MFSD6: variants seen among roughly 807,000 people sequenced by gnomAD.
MFSD6 encodes the protein major facilitator superfamily domain containing 6.
A neutral mutation model predicts 56.3 loss-of-function variants in MFSD6; 26 were observed. That is an observed-to-expected ratio of 0.46 (90% confidence interval 0.34 to 0.64). The LOEUF (loss-of-function observed/expected upper bound fraction) is 0.64, where lower values mean the gene tolerates loss of function less well. Ranked by LOEUF, MFSD6 falls within the 30% of genes least tolerant of loss-of-function variation. The pLI, the probability that MFSD6 is intolerant of heterozygous loss-of-function variation, is 0.01. For missense variants in MFSD6, 750 were observed against 986.2 expected, an observed-to-expected ratio of 0.76 and a Z score of 3.21; for synonymous variants, 331 against 366.9, an observed-to-expected ratio of 0.90 and a Z score of 1.12.
At chr2:190,486,314 G>T (rs1013636558) in intron 4 of MFSD6, among the ~76,000 whole-genome samples, 1 of 152,220 alleles carries the variant, frequency 6.6e-6, no homozygotes, top group African/African-American at 2.4e-5. Flanking sequence ...CCCTCACTCT[G>T]AATAGTGTCT....
intron 3 of MFSD6, among the ~76,000 whole-genome samples, chr2:190,450,391 A>T (rs1686733115): frequency 6.6e-6 from 1 of 152,052 alleles, no homozygotes; most frequent in Non-Finnish European, 1.5e-5. Flanking sequence ...TTTCTGAAAT[A>T]CTGAGCAATT....
intron 2 of MFSD6, among the ~76,000 whole-genome samples, chr2:190,419,720 A>T (rs1378590114): frequency 6.6e-6 from 1 of 152,236 alleles, no homozygotes; most frequent in African/African-American, 2.4e-5. Flanking sequence ...TTTTAATTCA[A>T]ATACATAATG....
At chr2:190,414,639 A>G (rs920376711) in intron 1 of MFSD6, among the ~76,000 whole-genome samples, 6 of 152,170 alleles carry the variant, frequency 3.9e-5, no homozygotes, top group African/African-American at 7.2e-5. Flanking sequence ...TCAATTTAAT[A>G]ACTCTATAAT....
chr2:190,435,254 A>G (rs1686136175), intron 2 of MFSD6: 1 of 152,236 alleles, frequency 6.6e-6, no homozygotes, highest in African/African-American at 2.4e-5. Context: ...GGACAAGATA[A>G]TAGGGCTATT....
At chr2:190,408,996 C>T (rs943955157) in intron 1 of MFSD6, among the ~76,000 whole-genome samples, 11 of 152,192 alleles carry the variant, frequency 7.2e-5, no homozygotes, top group Admixed American at 3.3e-4. Flanking sequence ...CACACAGCCC[C>T]AGTGACAAGG....
At position 190,410,801 on chromosome 2, in the gene MFSD6, T is replaced by C. The variant is rs147365564; in HGVS notation, c.-176+2298T>C. Among the ~76,000 whole-genome samples the C allele has an allele frequency of 0.022, 3,369 of 152,292 alleles. 59 individuals are homozygous for C. The highest frequency in any genetic ancestry group is 0.038 in the Non-Finnish European group (2,573 of 68,028). On this transcript the variant is annotated intron_variant, in intron 1 of 7. Transcript: ENST00000392328. The surrounding 1 kb of genome is among the most constrained non-coding windows in gnomAD (Gnocchi z 4.4). ...GGCTGGGCAAGGTGGCTCATGCCTG[T>C]AATCCCAGCACTTTGGGAGGCCGAG... is the stretch of plus-strand genomic sequence containing the variant.
chr2:190,436,807 A>G lies in MFSD6; in HGVS notation c.778A>G (p.Thr260Ala). 6.2e-7 allele frequency: 1 copy of G among 1,614,208 alleles called. No individual in the cohort carries two copies. The highest frequency in any genetic ancestry group is 8.5e-7 in the Non-Finnish European group (1 of 1,180,024). Residue 260 changes from threonine to alanine, a missense_variant, in exon 3 of 8, where the codon ACC becomes GCC. Coordinates refer to ENST00000392328, the MANE Select transcript of MFSD6 (RefSeq NM_017694.4). This position sits in a 1 kb window ranked among gnomAD's most constrained non-coding sequence, Gnocchi z 5.3. ...VSPGSVTKET[T>A]TVIVTTTKSL... ...CCCAGGAAGCGTAACCAAGGAGACA[A>G]CCACTGTTATTGTTACCACCACCAA... is the stretch of plus-strand genomic sequence containing the variant.
Position 190,489,830 on chromosome 2 carries a change from C to T in MFSD6, c.1855C>T (p.Leu619=), listed in dbSNP as rs776993095. Residue 619 remains leucine (L), a synonymous_variant, in exon 6 of 8, where the codon CTG becomes TTG. Coordinates refer to ENST00000392328, the MANE Select transcript of MFSD6 (RefSeq NM_017694.4). This position sits in a 1 kb window ranked among gnomAD's most constrained non-coding sequence, Gnocchi z 6.6. ...CTTGGTGATCCTACTGCTCTTTGCC[C>T]TGATCCAGTGGCTGGCAGTGCCAGA... The part of the protein sequence containing the change: ...ACLVILLLFA[L]IQWLAVPDEE... 1.2e-6 allele frequency: 2 copies of T among 1,614,186 alleles called. No homozygotes were observed. The highest frequency in any genetic ancestry group is 1.7e-6 in the Non-Finnish European group (2 of 1,180,024).
At chr2:190,475,550 T>G (rs961909793) in intron 4 of MFSD6, among the ~76,000 whole-genome samples, 23 of 152,150 alleles carry the variant, frequency 1.5e-4, no homozygotes, top group Non-Finnish European at 2.6e-4. Context: ...CACTGCTCAA[T>G]GAAATAAAAG....
At position 190,497,331 on chromosome 2, in the gene MFSD6, C is replaced by A; in HGVS notation, c.1892-108C>A. The A allele has an allele frequency of 1.6e-6, 2 of 1,213,406 alleles. No individual in the cohort carries two copies. The highest frequency in any genetic ancestry group is 2.3e-6 in the Non-Finnish European group (2 of 876,674). The allele number at this position is 1,213,406 out of a possible 1,614,324, so 75.2% of individuals were successfully genotyped here. A position where few individuals can be genotyped will look rare whatever the true frequency, so the allele number is the denominator to read the frequency against. ...CCAGCAATTTATTAATATTATCAAG[C>A]ACTCTGGAATGGGTATATGGGATTC... On this transcript the variant is annotated intron_variant, in intron 6 of 7. Coordinates refer to ENST00000392328, the MANE Select transcript of MFSD6 (RefSeq NM_017694.4). This position sits in a 1 kb window ranked among gnomAD's most constrained non-coding sequence, Gnocchi z 5.2.
Position 190,482,903 on chromosome 2 carries a change from T to TTTTTTTTTTTTTTTTTTTTTTTTTTTTTG in MFSD6, c.1631-5754_1631-5753insTTTTTTTTTTTTTTTTTTTTTTTTTTTTG, listed in dbSNP as rs544591315. ...TTTTTTTTTTTTTTTTTTTTTTTTTTAGACGGAGTCTCACTCTGTCGCCCA... is the reference window on the plus strand; with the variant it reads ...TTTTTTTTTTTTTTTTTTTTTTTTTTTTTTTTTTTTTTTTTTTTTTTTTTTTTTGAGACGGAGTCTCACTCTGTCGCCCA... On this transcript the variant is annotated intron_variant, in intron 4 of 7. Coordinates refer to ENST00000392328, the MANE Select transcript of MFSD6 (RefSeq NM_017694.4). Among the ~76,000 whole-genome samples, 10 of 86,250 alleles carry TTTTTTTTTTTTTTTTTTTTTTTTTTTTTG rather than the reference T, an allele frequency of 1.2e-4. 4 individuals carry two copies. Among genetic ancestry groups the TTTTTTTTTTTTTTTTTTTTTTTTTTTTTG allele is most frequent in the East Asian group, 8.2e-4 (2 of 2,442 alleles). The allele number at this position is 86,250 out of a possible 152,430, so 56.6% of individuals were successfully genotyped here. A position where few individuals can be genotyped will look rare whatever the true frequency, so the allele number is the denominator to read the frequency against.
At chr2:190,472,829 C>T (rs1189258587) in intron 4 of MFSD6, among the ~76,000 whole-genome samples, 2 of 152,062 alleles carry the variant, frequency 1.3e-5, no homozygotes, top group Non-Finnish European at 2.9e-5. Context: ...TTAAGGGCAG[C>T]CAGAGAGAAA....
At position 190,417,519 on chromosome 2, in the gene MFSD6, C is replaced by T. The variant is rs923233001; in HGVS notation, c.-54+2106C>T. Among the ~76,000 whole-genome samples the T allele has an allele frequency of 2.6e-5, 4 of 152,178 alleles. No individual in the cohort carries two copies. The highest frequency in any genetic ancestry group is 9.7e-5 in the African/African-American group (4 of 41,446). ...GACTGTGTGGCCTCCAGCATGTGTC[C>T]TACCTACTAGTGGGTGCTCGATCTA... On this transcript the variant is annotated intron_variant, in intron 2 of 7. Transcript: ENST00000392328. This position sits in a 1 kb window ranked among gnomAD's most constrained non-coding sequence, Gnocchi z 5.7.
rs775898410 is a variant in MFSD6, at chr2:190,429,226, A to ATG, written c.-53-6751_-53-6750insTG. 3.1e-3 allele frequency among the ~76,000 whole-genome samples: 338 copies of ATG among 108,374 alleles called. 2 individuals carry two copies. The highest frequency in any genetic ancestry group is 0.017 in the South Asian group (63 of 3,714). 71.1% of individuals were successfully genotyped at this position (108,374 alleles called of 152,430 possible). On this transcript the variant is annotated intron_variant, in intron 2 of 7. Transcript: ENST00000392328. ...TATATATCTGTATAATTCTTTTGTT[A>ATG]CGTGTGTGTGTGTGTGTGTGTGTAT...
At chr2:190,430,876 C>G (rs1005847672) in intron 2 of MFSD6, among the ~76,000 whole-genome samples, 1 of 142,464 alleles carries the variant, frequency 7.0e-6, no homozygotes, top group Non-Finnish European at 1.5e-5. Context: ...GACGGGGCGG[C>G]TGCCGGGCGG....
chr2:190,421,420 ATTTC>A (rs1320304829), intron 2 of MFSD6, among the ~76,000 whole-genome samples: 13 of 152,160 alleles, frequency 8.5e-5, no homozygotes, highest in African/African-American at 3.1e-4. Flanking sequence ...ATGACTCCAT[ATTTC>A]TTTCTCAGTT....
rs969056984 is a variant in MFSD6, at chr2:190,463,903, A to G, written c.1533-5855A>G. The G allele has an allele frequency of 9.1e-6, 9 of 984,640 alleles. No individual in the cohort carries two copies. In the African/African-American group the frequency reaches 1.6e-4, roughly 17 times the overall value. The allele number at this position is 984,640 out of a possible 1,614,324, so 61.0% of individuals were successfully genotyped here. On this transcript the variant is annotated intron_variant, in intron 3 of 7. Transcript: ENST00000392328. This position sits in a 1 kb window ranked among gnomAD's most constrained non-coding sequence, Gnocchi z 4.4. ...AAGGGCGCACCATATACTGTCTACC[A>G]TACAGAAAACGTAATCCAGTTTATA...
intron 4 of MFSD6, among the ~76,000 whole-genome samples, chr2:190,472,888 T>C (rs1688033786): frequency 1.3e-5 from 2 of 152,222 alleles, no homozygotes; most frequent in South Asian, 2.1e-4. Context: ...AGGTGATCTC[T>C]GGGCAGAAAC....
At chr2:190,419,963 T>C (rs188592308) in intron 2 of MFSD6, among the ~76,000 whole-genome samples, 4 of 152,338 alleles carry the variant, frequency 2.6e-5, no homozygotes, top group African/African-American at 9.6e-5. Context: ...CTGATTAGGA[T>C]GAACTGCAAA....
Sources: gnomAD v4.1 joint callset for allele counts (sites outside exome capture counted in the v4.1 genomes callset) on GRCh38, gnomAD v4.1.1 for gene constraint, Gnocchi (gnomAD v3.1) non-coding constraint, MANE v1.5 for transcripts, NCBI Gene and HGNC (gene_info 2026-07-23, HGNC 2026-07-21) for gene names.